The following ITSN1 variants were observed in gnomAD, a reference collection of about 807,000 sequenced individuals.
ITSN1 encodes the protein intersectin 1, also known as intersectin-1.
A neutral mutation model predicts 239.8 loss-of-function variants in ITSN1; 58 were observed. The ratio of observed to expected loss-of-function variants is 0.24; its 90% CI spans 0.20 to 0.30. The LOEUF (loss-of-function observed/expected upper bound fraction) is 0.30, where lower values mean the gene tolerates loss of function less well. Among genes scored for constraint, ITSN1 ranks in the 10% least tolerant of loss-of-function variants. The pLI is 1.00. For missense variants in ITSN1, 1,558 were observed against 2,103.3 expected, an observed-to-expected ratio of 0.74 and a Z score of 5.07; for synonymous variants, 780 against 770.8, an observed-to-expected ratio of 1.01 and a Z score of -0.20.
At chr21:33,718,505 A>T (rs950978333) in intron 1 of ITSN1, among the ~76,000 whole-genome samples, 1 of 152,240 alleles carries the variant, frequency 6.6e-6, no homozygotes, top group African/African-American at 2.4e-5. Context: ...TGAAGTATGC[A>T]AGAGGACGTG....
intron 29 of ITSN1, among the ~76,000 whole-genome samples, chr21:33,839,196 C>T (rs1783116720): frequency 1.3e-5 from 2 of 152,134 alleles, no homozygotes; most frequent in South Asian, 4.2e-4. Flanking sequence ...TCATGGAGTT[C>T]ATATTGTAAT....
rs1440771510 is a variant in ITSN1, at chr21:33,888,479, A to G, written c.*179A>G. 8.2e-6 allele frequency: 5 copies of G among 611,164 alleles called. No individual in the cohort carries two copies. The highest frequency in any genetic ancestry group is 1.4e-5 in the Non-Finnish European group (5 of 359,992). The allele number at this position is 611,164 out of a possible 1,614,324, so 37.9% of individuals were successfully genotyped here. A position where few individuals can be genotyped will look rare whatever the true frequency, so the allele number is the denominator to read the frequency against. On this transcript the variant is annotated 3_prime_UTR_variant, in exon 40 of 40. Coordinates refer to ENST00000381318, the MANE Select transcript of ITSN1 (RefSeq NM_003024.3). ...TTCTCGACAATCCTCCCTGCCCCGA[A>G]ACAATTTCCTGTTTCATGAAACAAA...
chr21:33,806,831 C>T (rs1018857151), intron 20 of ITSN1, among the ~76,000 whole-genome samples: 3 of 152,292 alleles, frequency 2.0e-5, no homozygotes, highest in African/African-American at 7.2e-5. Flanking sequence ...TAAAAGTCCA[C>T]GTTGGAACCA....
chr21:33,813,742 C>CT (rs1294784498), intron 21 of ITSN1, among the ~76,000 whole-genome samples, 171 bp from the exon 22 acceptor site: 3 of 149,078 alleles, frequency 2.0e-5, no homozygotes, highest in African/African-American at 7.5e-5. Context: ...TTTCTTTTTT[C>CT]TTTTTTTCCT....
At chr21:33,764,724 T>A (rs1286022427) in intron 9 of ITSN1, among the ~76,000 whole-genome samples, 1 of 152,260 alleles carries the variant, frequency 6.6e-6, no homozygotes, top group Non-Finnish European at 1.5e-5. Flanking sequence ...ATTTTTGGCA[T>A]TGGCAAAACC....
chr21:33,800,228 A>G (rs1025252672), intron 19 of ITSN1, among the ~76,000 whole-genome samples: 1 of 151,992 alleles, frequency 6.6e-6, no homozygotes, highest in African/African-American at 2.4e-5. Context: ...ATATACTATG[A>G]GTATACATAT....
chr21:33,751,886 A>T lies in ITSN1; in HGVS notation c.603A>T (p.Ala201=). 1 of 1,613,138 alleles carries T rather than the reference A, an allele frequency of 6.2e-7. No individual in the cohort carries two copies. The highest frequency in any genetic ancestry group is 8.5e-7 in the Non-Finnish European group (1 of 1,179,118). The part of the protein sequence containing the change: ...GSQLNTKLQK[A]QSFDVASVPP... Reference sequence around the variant, plus strand: ...AACTAAACACTAAATTACAAAAGGCACAGTCATTTGATGTGGCCAGGTAAG... The same window carrying T: ...AACTAAACACTAAATTACAAAAGGCTCAGTCATTTGATGTGGCCAGGTAAG... Residue 201 remains alanine (A), a synonymous_variant, in exon 7 of 40, where the codon GCA becomes GCT. Coordinates refer to ENST00000381318, the MANE Select transcript of ITSN1 (RefSeq NM_003024.3).
intron 5 of ITSN1, among the ~76,000 whole-genome samples, chr21:33,737,327 C>T (rs918722290): frequency 7.2e-5 from 11 of 152,102 alleles, no homozygotes; most frequent in African/African-American, 2.7e-4. Flanking sequence ...ATCACTCTTC[C>T]CCCCAGACTT....
intron 4 of ITSN1, 46 bp downstream of exon 4, chr21:33,722,697 A>T (rs776464722): frequency 6.6e-7 from 1 of 1,508,618 alleles, no homozygotes; most frequent in South Asian, 1.3e-5. Context: ...ATAAGGCAAA[A>T]TAAAATATCG....
At chr21:33,707,273 T>C (rs1384068325) in intron 1 of ITSN1, among the ~76,000 whole-genome samples, 3 of 152,166 alleles carry the variant, frequency 2.0e-5, no homozygotes, top group Non-Finnish European at 4.4e-5. Context: ...CATATACTTA[T>C]TTTTTATGTT....
At chr21:33,873,047 C>A (rs1752595484) in intron 33 of ITSN1, among the ~76,000 whole-genome samples, 1 of 152,144 alleles carries the variant, frequency 6.6e-6, no homozygotes. Context: ...CTAGAAAACC[C>A]CTAAGCCTGA....
intron 16 of ITSN1, among the ~76,000 whole-genome samples, chr21:33,785,533 G>A (rs1204433941): frequency 6.6e-6 from 1 of 152,098 alleles, no homozygotes; most frequent in Non-Finnish European, 1.5e-5. Context: ...TTTGTCTTTT[G>A]TGGGTTTCTC....
chr21:33,755,461 T>G (rs998451046), intron 8 of ITSN1, 64 bp downstream of exon 8: 1 of 877,088 alleles, frequency 1.1e-6, no homozygotes, highest in Non-Finnish European at 1.8e-6. Context: ...TTTCTAGATA[T>G]TGGGTCATAG....
chr21:33,802,566 T>C, intron 20 of ITSN1, 122 bp downstream of exon 20: 2 of 987,358 alleles, frequency 2.0e-6, no homozygotes, highest in Non-Finnish European at 3.2e-6. Context: ...AAAATGTGTT[T>C]GAGTCTGTGT....
intron 1 of ITSN1, among the ~76,000 whole-genome samples, chr21:33,697,152 G>T (rs1193401855): frequency 6.7e-6 from 1 of 149,782 alleles, no homozygotes; most frequent in South Asian, 2.1e-4. Flanking sequence ...GCGTGATCTC[G>T]GCTCACTGCA....
At position 33,868,052 on chromosome 21, in the gene ITSN1, G is replaced by T. The variant is rs140227038; in HGVS notation, c.4173+721G>T. Among the ~76,000 whole-genome samples the T allele has an allele frequency of 9.8e-3, 1,491 of 152,340 alleles. 26 individuals carry two copies. The highest frequency in any genetic ancestry group is 0.034 in the African/African-American group (1,417 of 41,568). ...AGAGTGAAAGAACAAAGCTTCCACG[G>T]TGTGGAAAGGGACCGAGCCGGTTGC... On this transcript the variant is annotated intron_variant, in intron 33 of 39. Coordinates refer to ENST00000381318, the MANE Select transcript of ITSN1 (RefSeq NM_003024.3).
chr21:33,818,637 T>G (rs1166674905), intron 23 of ITSN1, among the ~76,000 whole-genome samples, 165 bp downstream of exon 23: 8 of 152,236 alleles, frequency 5.3e-5, no homozygotes, highest in Non-Finnish European at 1.0e-4. Flanking sequence ...GGGAGCCTCT[T>G]ATAGATAAGT....
At chr21:33,848,966 T>C (rs575690447) in intron 29 of ITSN1, among the ~76,000 whole-genome samples, 154 of 152,278 alleles carry the variant, frequency 1.0e-3, no homozygotes, top group Non-Finnish European at 1.8e-3. Flanking sequence ...TTTGGCCGAG[T>C]GTGGTGGCTC....
Position 33,751,853 on chromosome 21 carries a change from A to G in ITSN1, c.570A>G (p.Pro190=), listed in dbSNP as rs779229833. The change falls in exon 7 of 40, where the codon CCA becomes CCG. Residue 190 remains proline, a synonymous_variant. Coordinates refer to ENST00000381318, the MANE Select transcript of ITSN1 (RefSeq NM_003024.3). ...PKSSSFSRSG[P]GSQLNTKLQK... is the part of the protein sequence containing the mutation. ...GTTCTTCCTTTAGTAGATCTGGTCC[A>G]GGGTCACAACTAAACACTAAATTAC... The G allele has an allele frequency of 9.9e-6, 16 of 1,613,734 alleles. No homozygotes were observed. The Middle Eastern group carries it at 5.0e-4, about 50-fold the overall frequency.
Sources: allele counts gnomAD v4.1 joint callset (sites outside exome capture counted in the v4.1 genomes callset), GRCh38; gene constraint gnomAD v4.1.1; transcripts MANE v1.5; gene names NCBI Gene and HGNC (gene_info 2026-07-23, HGNC 2026-07-21).